Variants in MDN1 observed in about 807,000 individuals in gnomAD.
The protein encoded by MDN1 is midasin.
In MDN1, 266 loss-of-function variants were observed where a neutral mutation model predicts 669.2. The ratio of observed to expected loss-of-function variants is 0.40; its 90% CI spans 0.36 to 0.44. The LOEUF is 0.44. Ranked by LOEUF, MDN1 falls within the 20% of genes least tolerant of loss-of-function variation. The probability of loss-of-function intolerance (pLI) is 1.00; values close to 1 mark genes in which losing one functional copy is unlikely to be tolerated. For missense variants in MDN1, 5,940 were observed against 6,754.0 expected (o/e 0.88, Z 4.22); for synonymous variants, 2,385 against 2,457.1 (o/e 0.97, Z 0.87).
chr6:89,708,756 C>T, intron 50 of MDN1, 128 bp from the exon 51 acceptor site: 1 of 949,420 alleles, frequency 1.1e-6, no homozygotes, highest in Non-Finnish European at 1.6e-6. Context: ...AGAGGTTGAA[C>T]CAGTAAATAC....
rs369041985 is a variant in MDN1 at position 89,716,800 on chromosome 6, T to C, written c.6593A>G (p.Lys2198Arg). The C allele has an allele frequency of 1.3e-5, 21 of 1,602,760 alleles. No homozygotes were observed. Among genetic ancestry groups the C allele is most frequent in the Admixed American group, 1.7e-5 (1 of 57,672 alleles). Reference protein sequence around the residue: ...INSYCKAEFAKLVEEFRSFGV... With the variant: ...INSYCKAEFARLVEEFRSFGV... ...AAAGCTTCGGAACTCTTCAACAAGT[T>C]TGGCAAACTCTGAAATGTCACAGGG... The change falls in exon 44 of 102, where the codon AAA becomes AGA. Residue 2198 changes from lysine (K) to arginine (R), a missense_variant. Coordinates refer to ENST00000369393, the MANE Select transcript of MDN1 (RefSeq NM_014611.3).
Position 89,695,953 on chromosome 6 carries a change from C to T in MDN1, c.9423G>A (p.Arg3141=), listed in dbSNP as rs116565488. ...GCAGCTCTGCTAGGCCTGCCAGGTG[C>T]CGGAACAGCACCTGCCCCTGGAGTT... ...DSQLQGQVLF[R]HLAGLAELLP... The change falls in exon 61 of 102, where the codon CGG becomes CGA. Residue 3141 remains arginine, a synonymous_variant. Coordinates refer to ENST00000369393, the MANE Select transcript of MDN1 (RefSeq NM_014611.3). The surrounding 1 kb of genome is among the most constrained non-coding windows in gnomAD (Gnocchi z 4.1). The T allele has an allele frequency of 6.8e-4, 1,099 of 1,611,474 alleles. 5 individuals carry two copies. In the African/African-American group the frequency reaches 0.013, roughly 19 times the overall value.
At position 89,789,668 on chromosome 6, in the gene MDN1, G is replaced by A. The variant is rs147971052; in HGVS notation, c.1230+112C>T. The A allele has an allele frequency of 2.9e-4, 362 of 1,269,422 alleles. 2 individuals are homozygous for A. The Admixed American group carries it at 6.9e-3, about 24-fold the overall frequency. 78.6% of individuals were successfully genotyped at this position (1,269,422 alleles called of 1,614,324 possible). Reference sequence around the variant, plus strand: ...CCATGAAGTACCTGCAACATAGTACGTCTAATCAAATACATTTTTGTTTAA... The same window carrying A: ...CCATGAAGTACCTGCAACATAGTACATCTAATCAAATACATTTTTGTTTAA... On this transcript the variant is annotated intron_variant, in intron 7 of 101. Coordinates refer to ENST00000369393, the MANE Select transcript of MDN1 (RefSeq NM_014611.3).
chr6:89,780,163 A>T, intron 11 of MDN1, 49 bp downstream of exon 11: 1 of 1,077,436 alleles, frequency 9.3e-7, no homozygotes. Flanking sequence ...AACGGAAGTC[A>T]ACAGCCTTAC....
chr6:89,768,551 C>G (rs192589609), intron 15 of MDN1, among the ~76,000 whole-genome samples: 7 of 152,212 alleles, frequency 4.6e-5, no homozygotes, highest in Admixed American at 4.6e-4. Context: ...CACTGGGCAA[C>G]AGAGTGTGAC....
At position 89,673,276 on chromosome 6, in the gene MDN1, A is replaced by G. The variant is rs1222572767; in HGVS notation, c.13434T>C (p.Thr4478=). 2.5e-6 allele frequency: 4 copies of G among 1,614,188 alleles called. No homozygotes were observed. The Admixed American group carries it at 6.7e-5, about 27-fold the overall frequency. Residue 4478 remains threonine (T), a synonymous_variant, in exon 80 of 102, where the codon ACT becomes ACC. Transcript: ENST00000369393. ...AAGTAAGCAGATGGGTCTTCCAGGT[A>G]GTAAAGTCAGCCATGGCTTTACTAA... ...GEISKAMADF[T]TWKTHLLTSD... is the part of the protein sequence containing the mutation.
At chr6:89,753,313 C>G (rs1455763772) in intron 22 of MDN1, among the ~76,000 whole-genome samples, 199 bp downstream of exon 22, 1 of 151,266 alleles carries the variant, frequency 6.6e-6, no homozygotes, top group Admixed American at 6.6e-5. Context: ...AAAGATTATC[C>G]ACAGTATTTA....
At chr6:89,808,890 A>C (rs1309152690) in intron 1 of MDN1, among the ~76,000 whole-genome samples, 2 of 152,162 alleles carry the variant, frequency 1.3e-5, no homozygotes, top group Admixed American at 1.3e-4. Context: ...CAACAGAGCT[A>C]ATCCAGTACC....
chr6:89,803,576 A>T, intron 1 of MDN1, 22 bp from the exon 2 acceptor site: 1 of 1,518,438 alleles, frequency 6.6e-7, no homozygotes, highest in Non-Finnish European at 9.0e-7. Flanking sequence ...AAAACAAAAC[A>T]TCTTTCACTT....
chr6:89,717,243 G>C (rs949946377), intron 43 of MDN1, among the ~76,000 whole-genome samples: 1 of 152,168 alleles, frequency 6.6e-6, no homozygotes, highest in African/African-American at 2.4e-5. Flanking sequence ...ATGCTTTATA[G>C]TTTATATAGC....
chr6:89,776,821 A>G, intron 11 of MDN1, 126 bp from the exon 12 acceptor site: 1 of 656,158 alleles, frequency 1.5e-6, no homozygotes, highest in Non-Finnish European at 2.4e-6. Context: ...CTAAAAATGA[A>G]GGGAGTGCAA....
At chr6:89,696,037 A>G in intron 60 of MDN1, 45 bp from the exon 61 acceptor site, 1 of 1,551,804 alleles carries the variant, frequency 6.4e-7, no homozygotes, top group South Asian at 1.2e-5. Flanking sequence ...TACTGTATCA[A>G]AAAGCATTCC....
chr6:89,754,286 T>C (rs1469125990), intron 20 of MDN1, 56 bp from the exon 21 acceptor site: 4 of 1,547,794 alleles, frequency 2.6e-6, no homozygotes, highest in Admixed American at 3.8e-5. Flanking sequence ...TCCAGTATTA[T>C]CAATTCTCTA....
chr6:89,817,056 A>G (rs1402933544), intron 1 of MDN1, among the ~76,000 whole-genome samples: 4 of 152,122 alleles, frequency 2.6e-5, no homozygotes, highest in Non-Finnish European at 5.9e-5. Flanking sequence ...GCCAGTCAGC[A>G]AATCTTTGAA....
At chr6:89,812,516 G>GA (rs947983517) in intron 1 of MDN1, among the ~76,000 whole-genome samples, 1 of 151,696 alleles carries the variant, frequency 6.6e-6, no homozygotes. Flanking sequence ...AATAGAAAAG[G>GA]AAAAAAAGTC....
intron 44 of MDN1, among the ~76,000 whole-genome samples, chr6:89,716,079 T>C (rs1028042001): frequency 1.3e-5 from 2 of 152,332 alleles, no homozygotes; most frequent in Admixed American, 1.3e-4. Context: ...CCCCCATCCC[T>C]CAACATTATC....
At chr6:89,664,053 C>G (rs1180094045) in intron 85 of MDN1, among the ~76,000 whole-genome samples, 1 of 152,178 alleles carries the variant, frequency 6.6e-6, no homozygotes, top group African/African-American at 2.4e-5. Context: ...TTATTAAGTG[C>G]TATGGCTGGT....
At chr6:89,732,471 T>C in intron 34 of MDN1, 86 bp downstream of exon 34, 1 of 1,119,016 alleles carries the variant, frequency 8.9e-7, no homozygotes. Flanking sequence ...TTCAGTAAAA[T>C]AGCTGGGTCA....
chr6:89,655,715 C>G, intron 92 of MDN1, 49 bp downstream of exon 92: 1 of 1,518,652 alleles, frequency 6.6e-7, no homozygotes, highest in Non-Finnish European at 8.9e-7. Flanking sequence ...AGCACAAGCT[C>G]TCATAGAGAG....
Sources: gnomAD v4.1 joint callset for allele counts (sites outside exome capture counted in the v4.1 genomes callset) on GRCh38, gnomAD v4.1.1 for gene constraint, Gnocchi (gnomAD v3.1) non-coding constraint, MANE v1.5 for transcripts, NCBI Gene and HGNC (gene_info 2026-07-23, HGNC 2026-07-21) for gene names.